The following XYLB variants were observed in gnomAD, a reference collection of about 807,000 sequenced individuals.
XYLB encodes the protein xylulokinase.
A neutral mutation model predicts 78.7 loss-of-function variants in XYLB; 62 were observed. That is an observed-to-expected ratio of 0.79 (90% CI 0.64 to 0.97). XYLB has a LOEUF of 0.97. XYLB is among the 50% of genes least tolerant of loss of function. XYLB has a pLI of 0.00. For synonymous variants in XYLB, 245 were observed against 247.4 expected (o/e 0.99, Z 0.09); for missense variants, 687 against 676.8 (o/e 1.02, Z -0.17).
intron 18 of XYLB, among the ~76,000 whole-genome samples, chr3:38,411,075 T>C (rs2125677993): frequency 1.3e-5 from 2 of 152,292 alleles, no homozygotes; most frequent in African/African-American, 4.8e-5. Flanking sequence ...TAAAGACACA[T>C]GCAGACATAT....
At chr3:38,378,331 C>T (rs1372155524) in intron 14 of XYLB, among the ~76,000 whole-genome samples, 2 of 152,216 alleles carry the variant, frequency 1.3e-5, no homozygotes, top group East Asian at 1.9e-4. Flanking sequence ...TGCCAGGCAC[C>T]GGGGACACAA....
At chr3:38,412,685 A>AT (rs1345973704) in intron 18 of XYLB, among the ~76,000 whole-genome samples, 1 of 152,150 alleles carries the variant, frequency 6.6e-6, no homozygotes, top group Non-Finnish European at 1.5e-5. Context: ...TCTCACCAGA[A>AT]TTTTTTTGAA....
chr3:38,430,216 TG>T, the XYLB span, among the ~76,000 whole-genome samples: 1 of 152,206 alleles, frequency 6.6e-6, no homozygotes. Context: ...CTCCAGCATC[TG>T]TTGTTTCCTG....
intron 2 of XYLB, among the ~76,000 whole-genome samples, chr3:38,349,331 T>G (rs1418338405): frequency 6.6e-6 from 1 of 152,176 alleles, no homozygotes; most frequent in African/African-American, 2.4e-5. Flanking sequence ...TTCTAAAAGC[T>G]ATGGTCAGCC....
downstream of XYLB, among the ~76,000 whole-genome samples, chr3:38,423,959 T>C (rs1174264300): frequency 6.6e-6 from 1 of 152,180 alleles, no homozygotes; most frequent in Non-Finnish European, 1.5e-5. Flanking sequence ...ATTGAATGAC[T>C]TTCAAAAATT....
the XYLB span, among the ~76,000 whole-genome samples, chr3:38,435,473 T>G: frequency 6.6e-6 from 1 of 152,300 alleles, no homozygotes; most frequent in African/African-American, 2.4e-5. Context: ...AATAGAGAGA[T>G]AGCCTGCAAT....
At chr3:38,355,970 G>A (rs1260623554) in intron 2 of XYLB, 4 of 584,432 alleles carry the variant, frequency 6.8e-6, no homozygotes, top group Non-Finnish European at 1.2e-5. Flanking sequence ...AAATACTGGG[G>A]CCAGGTGTGG....
intron 6 of XYLB, 91 bp downstream of exon 6, chr3:38,365,827 G>T (rs548656033): frequency 3.6e-5 from 52 of 1,459,478 alleles, no homozygotes; most frequent in Non-Finnish European, 4.5e-5. Flanking sequence ...GATCACATGA[G>T]GTCATGGAGG....
Position 38,350,798 on chromosome 3 carries a change from A to G in XYLB, c.140+2166A>G, listed in dbSNP as rs1191331363. 2.0e-5 allele frequency among the ~76,000 whole-genome samples: 3 copies of G among 151,964 alleles called. No individual in the cohort carries two copies. In the East Asian group the frequency reaches 5.8e-4, roughly 29 times the overall value. On this transcript the variant is annotated intron_variant, in intron 2 of 18. Coordinates refer to ENST00000207870, the MANE Select transcript of XYLB (RefSeq NM_005108.4). Reference sequence around the variant, plus strand: ...TTATAGTTTCATTTTTTTTCGTTCAAAATATTTTTTAGTTCTCTTGAGACT... The same window carrying G: ...TTATAGTTTCATTTTTTTTCGTTCAGAATATTTTTTAGTTCTCTTGAGACT...
rs538940206 is a variant in XYLB, at chr3:38,349,274, G to A, written c.140+642G>A. Among the ~76,000 whole-genome samples the A allele has an allele frequency of 5.9e-5, 9 of 152,334 alleles. No individual in the cohort carries two copies. In the South Asian group the frequency reaches 1.0e-3, roughly 18 times the overall value. ...ATGATGCTGGGGAGCAGAGAGAGGC[G>A]GAGGCTGGTCAGAGCTCCATAGGCC... is the stretch of plus-strand genomic sequence containing the variant. On this transcript the variant is annotated intron_variant, in intron 2 of 18. Coordinates refer to ENST00000207870, the MANE Select transcript of XYLB (RefSeq NM_005108.4).
chr3:38,429,431 C>T, the XYLB span, among the ~76,000 whole-genome samples: 7 of 152,214 alleles, frequency 4.6e-5, no homozygotes, highest in South Asian at 1.2e-3. Flanking sequence ...TTTGCTAGGG[C>T]TGCCATAACA....
In XYLB at chr3:38,354,685, T is replaced by A. The variant is rs193260172; in HGVS notation, c.141-5654T>A. On this transcript the variant is annotated intron_variant, in intron 2 of 18. Transcript: ENST00000207870. ...ACTTGGCTAATTTTTGAGTTTTTAG[T>A]GGAGACAGGGTTTCACCATAATTGG... Among the ~76,000 whole-genome samples the A allele has an allele frequency of 1.7e-4, 26 of 151,726 alleles. 1 individual carries two copies. The highest frequency in any genetic ancestry group is 1.6e-3 in the Admixed American group (25 of 15,236).
At chr3:38,403,361 G>A (rs1383280220) in intron 18 of XYLB, among the ~76,000 whole-genome samples, 1 of 151,960 alleles carries the variant, frequency 6.6e-6, no homozygotes, top group Non-Finnish European at 1.5e-5. Context: ...TTGAAATTTG[G>A]TGTGCATTTA....
rs1006062228 is a variant in XYLB at position 38,413,290 on chromosome 3, T to C, written c.*277T>C. 2.7e-6 allele frequency: 1 copy of C among 366,012 alleles called. No individual in the cohort carries two copies. Among genetic ancestry groups the C allele is most frequent in the Non-Finnish European group, 4.8e-6 (1 of 206,638 alleles). The allele number at this position is 366,012 out of a possible 1,614,324, so 22.7% of individuals were successfully genotyped here. On this transcript the variant is annotated 3_prime_UTR_variant, in exon 19 of 19. Coordinates refer to ENST00000207870, the MANE Select transcript of XYLB (RefSeq NM_005108.4). ...GCAGGACAACACTGAGACTGGGATA[T>C]GTCCAATAAAAACTATGACTTTTCC...
intron 16 of XYLB, among the ~76,000 whole-genome samples, chr3:38,396,742 T>C (rs2125647075): frequency 6.6e-6 from 1 of 152,172 alleles, no homozygotes; most frequent in East Asian, 1.9e-4. Flanking sequence ...TTGTTAATGT[T>C]AGTCTAATAC....
At chr3:38,429,458 G>T in the XYLB span, among the ~76,000 whole-genome samples, 1 of 152,152 alleles carries the variant, frequency 6.6e-6, no homozygotes, top group African/African-American at 2.4e-5. Context: ...TACAGACTGG[G>T]TGGCTTAAAC....
chr3:38,412,817 C>A (rs1382986515), intron 18 of XYLB, 119 bp from the exon 19 acceptor site: 2 of 814,392 alleles, frequency 2.5e-6, no homozygotes, highest in South Asian at 3.5e-5. Flanking sequence ...CTTTCTTTCG[C>A]CCAGAAAAAA....
At chr3:38,388,145 CG>C (rs1341405420) in intron 15 of XYLB, among the ~76,000 whole-genome samples, 1 of 144,724 alleles carries the variant, frequency 6.9e-6, no homozygotes, top group Non-Finnish European at 1.5e-5. Context: ...TCAGGAAGTG[CG>C]GGTGAGGTGG....
the XYLB span, among the ~76,000 whole-genome samples, chr3:38,432,383 A>G: frequency 6.6e-6 from 1 of 152,126 alleles, no homozygotes; most frequent in Non-Finnish European, 1.5e-5. Context: ...CCTGGTCAAC[A>G]TGGTGAAATC....
Sources: allele counts gnomAD v4.1 joint callset (sites outside exome capture counted in the v4.1 genomes callset), GRCh38; gene constraint gnomAD v4.1.1; transcripts MANE v1.5; gene names NCBI Gene and HGNC (gene_info 2026-07-23, HGNC 2026-07-21).